The following CYSLTR2 variants were observed in gnomAD, a reference collection of about 807,000 sequenced individuals.
CYSLTR2 encodes cysteinyl leukotriene receptor 2.
For synonymous variants in CYSLTR2, 179 were observed against 160.8 expected, an observed-to-expected ratio of 1.11 and a Z score of -0.86; for missense variants, 398 against 411.9, an observed-to-expected ratio of 0.97 and a Z score of 0.29.
At chr13:48,706,263 TGGGA>T (rs1954485556) in intron 4 of CYSLTR2, among the ~76,000 whole-genome samples, 1 of 152,242 alleles carries the variant, frequency 6.6e-6, no homozygotes, top group Non-Finnish European at 1.5e-5. Flanking sequence ...CCCAAACTGC[TGGGA>T]TTACGGGCGT....
intron 3 of CYSLTR2, among the ~76,000 whole-genome samples, chr13:48,694,952 C>T (rs956482305): frequency 6.6e-6 from 1 of 151,792 alleles, no homozygotes; most frequent in African/African-American, 2.4e-5. Context: ...TTTTTCCCCT[C>T]CATTTGGAGA....
intron 3 of CYSLTR2, among the ~76,000 whole-genome samples, chr13:48,695,094 T>TTTTTTC (rs1954140585): frequency 8.0e-6 from 1 of 124,844 alleles, no homozygotes; most frequent in Non-Finnish European, 1.6e-5. Flanking sequence ...TTTTTTTTTT[T>TTTTTTC]GTCAGAGTCT....
chr13:48,701,483 C>T (rs752886623), intron 4 of CYSLTR2, among the ~76,000 whole-genome samples: 1 of 152,136 alleles, frequency 6.6e-6, no homozygotes, highest in Non-Finnish European at 1.5e-5. Context: ...AAAATTAATT[C>T]AAGAAAGATC....
At chr13:48,704,184 T>C (rs1399949136) in intron 4 of CYSLTR2, among the ~76,000 whole-genome samples, 1 of 152,200 alleles carries the variant, frequency 6.6e-6, no homozygotes, top group South Asian at 2.1e-4. Flanking sequence ...TTATTTAATA[T>C]ATGCAAATTT....
chr13:48,696,159 AT>A lies in CYSLTR2; in HGVS notation c.-102-361del, dbSNP rs564749981. Among the ~76,000 whole-genome samples the A allele has an allele frequency of 3.6e-4, 55 of 152,234 alleles. 1 individual carries two copies. The East Asian group carries it at 6.4e-3, about 18-fold the overall frequency. On this transcript the variant is annotated intron_variant, in intron 3 of 4. Transcript: ENST00000682523. The stretch of plus-strand genomic sequence containing the variant: ...CCCTAATGACCAACAATGTTGAACA[AT>A]TTTTTATGTGCTTATATGCTATCTG...
intron 1 of CYSLTR2, among the ~76,000 whole-genome samples, 181 bp from the exon 2 acceptor site, chr13:48,691,031 T>C (rs1954026064): frequency 6.6e-6 from 1 of 152,098 alleles, no homozygotes; most frequent in African/African-American, 2.4e-5. Context: ...TTTTTTTCTT[T>C]TGTCAGCTTG....
intron 1 of CYSLTR2, among the ~76,000 whole-genome samples, chr13:48,671,074 CTGTT>C (rs1246578213): frequency 3.3e-5 from 5 of 152,228 alleles, no homozygotes; most frequent in South Asian, 2.1e-4. Flanking sequence ...ATTTGGCTCT[CTGTT>C]TGTCTATTAT....
chr13:48,694,076 C>A (rs1954103786), intron 3 of CYSLTR2, among the ~76,000 whole-genome samples: 2 of 152,238 alleles, frequency 1.3e-5, no homozygotes, highest in Admixed American at 6.5e-5. Context: ...ATCAGAGATG[C>A]AATGGTCTGT....
At chr13:48,665,233 A>G (rs796257603) in intron 1 of CYSLTR2, among the ~76,000 whole-genome samples, 9 of 152,220 alleles carry the variant, frequency 5.9e-5, no homozygotes, top group South Asian at 2.1e-4. Context: ...GTGTCCTAAT[A>G]TATTGTAAAT....
At chr13:48,704,953 G>A (rs773099591) in intron 4 of CYSLTR2, among the ~76,000 whole-genome samples, 3 of 152,198 alleles carry the variant, frequency 2.0e-5, no homozygotes, top group Non-Finnish European at 4.4e-5. Context: ...ATGTCAATTT[G>A]ATCCTGTTGG....
intron 1 of CYSLTR2, among the ~76,000 whole-genome samples, chr13:48,659,905 T>C (rs1301782782): frequency 2.0e-5 from 3 of 152,310 alleles, no homozygotes; most frequent in Admixed American, 6.5e-5. Flanking sequence ...ATCAGCATCA[T>C]AGACTCATGT....
chr13:48,680,400 CA>C (rs1261196071), intron 1 of CYSLTR2, among the ~76,000 whole-genome samples: 2 of 152,216 alleles, frequency 1.3e-5, no homozygotes, highest in Admixed American at 1.3e-4. Flanking sequence ...ATCACTGTGA[CA>C]ACATTCTAAG....
chr13:48,671,204 C>A (rs180830918), intron 1 of CYSLTR2, among the ~76,000 whole-genome samples: 3 of 152,264 alleles, frequency 2.0e-5, no homozygotes, highest in East Asian at 3.9e-4. Context: ...TGTAAATATA[C>A]AATCATGTCA....
chr13:48,655,292 T>TC (rs746379051), intron 1 of CYSLTR2, among the ~76,000 whole-genome samples: 9 of 152,306 alleles, frequency 5.9e-5, no homozygotes, highest in Non-Finnish European at 7.3e-5. Context: ...AAGGTGGGCA[T>TC]TTAATAGCTG....
chr13:48,692,137 T>A (rs1478486506), intron 2 of CYSLTR2, among the ~76,000 whole-genome samples: 1 of 151,984 alleles, frequency 6.6e-6, no homozygotes, highest in Non-Finnish European at 1.5e-5. Context: ...GGAGACAAGA[T>A]GTAAGTCATA....
chr13:48,699,945 T>C (rs1954296458), intron 4 of CYSLTR2, among the ~76,000 whole-genome samples: 1 of 152,130 alleles, frequency 6.6e-6, no homozygotes, highest in South Asian at 2.1e-4. Context: ...CCTGGACACA[T>C]ATACCCTCCC....
chr13:48,665,002 A>G (rs1953224770), intron 1 of CYSLTR2, among the ~76,000 whole-genome samples: 1 of 151,648 alleles, frequency 6.6e-6, no homozygotes, highest in Non-Finnish European at 1.5e-5. Flanking sequence ...TTTTTGGTAT[A>G]TTGTGTTTCT....
intron 1 of CYSLTR2, among the ~76,000 whole-genome samples, chr13:48,667,896 C>T (rs892132566): frequency 2.0e-5 from 3 of 152,010 alleles, no homozygotes; most frequent in Admixed American, 6.6e-5. Flanking sequence ...AATTAAAAAC[C>T]GCAACAGAGT....
chr13:48,667,351 A>T (rs2138835637), intron 1 of CYSLTR2, among the ~76,000 whole-genome samples: 1 of 152,182 alleles, frequency 6.6e-6, no homozygotes, highest in African/African-American at 2.4e-5. Flanking sequence ...CCTGGCTGGG[A>T]GTATGTCAAT....
Sources: gnomAD v4.1 joint callset for allele counts (sites outside exome capture counted in the v4.1 genomes callset) on GRCh38, gnomAD v4.1.1 for gene constraint, MANE v1.5 for transcripts, NCBI Gene and HGNC (gene_info 2026-07-23, HGNC 2026-07-21) for gene names.